Variants in NDUFAF6 observed in about 807,000 individuals in gnomAD.
NDUFAF6 encodes NADH dehydrogenase (ubiquinone) complex I, assembly factor 6.
In NDUFAF6, 45 loss-of-function variants were observed where a neutral mutation model predicts 40.8. The observed-to-expected ratio is 1.10, with a 90% CI of 0.87 to 1.42. The LOEUF is 1.42. Ranked by LOEUF, NDUFAF6 falls within the 40% of genes most tolerant of loss-of-function variation. The probability of loss-of-function intolerance (pLI) is 0.00; values close to 1 mark genes in which losing one functional copy is unlikely to be tolerated. For synonymous variants in NDUFAF6, 185 were observed against 155.9 expected, an observed-to-expected ratio of 1.19 and a Z score of -1.39; for missense variants, 435 against 418.5, an observed-to-expected ratio of 1.04 and a Z score of -0.34.
chr8:95,016,047 T>C (rs1377522830), intron 2 of NDUFAF6, among the ~76,000 whole-genome samples: 1 of 152,206 alleles, frequency 6.6e-6, no homozygotes, highest in Non-Finnish European at 1.5e-5. Context: ...TTATTGATGT[T>C]CATAATATTT....
At position 95,006,848 on chromosome 8, in the gene NDUFAF6, A is replaced by G. The variant is rs1827011237; in HGVS notation, c.-83-25147A>G. Among the ~76,000 whole-genome samples the G allele has an allele frequency of 2.0e-5, 3 of 152,132 alleles. No homozygotes were observed. In the South Asian group the frequency reaches 6.2e-4, roughly 32 times the overall value. On this transcript the variant is annotated intron_variant, in intron 2 of 9. Coordinates refer to the NDUFAF6 transcript ENST00000396111. ...CAATGAGCCGAGATCATGCCACTGC[A>G]CTCCATCCTGGGTAACAGAACCAGA... is the stretch of plus-strand genomic sequence containing the variant.
rs57749627 is a variant in NDUFAF6 at position 94,904,320 on chromosome 8, C to CTTTTTTTTTTTTTTT, written c.-936+8416_-936+8430dup. ...CATCACACCTGGCTAATTTTTTTTG[C>CTTTTTTTTTTTTTTT]TTTTTTTTTTTTTTTTTTTTTTTTT... is the stretch of plus-strand genomic sequence containing the variant. On this transcript the variant is annotated intron_variant, in intron 1 of 14. Coordinates refer to the NDUFAF6 transcript ENST00000396113. 6.2e-4 allele frequency among the ~76,000 whole-genome samples: 21 copies of CTTTTTTTTTTTTTTT among 34,138 alleles called. 7 individuals carry two copies. Among genetic ancestry groups the CTTTTTTTTTTTTTTT allele is most frequent in the African/African-American group, 1.1e-3 (7 of 6,580 alleles). The allele number at this position is 34,138 out of a possible 152,430, so 22.4% of individuals were successfully genotyped here. A position where few individuals can be genotyped will look rare whatever the true frequency, so the allele number is the denominator to read the frequency against.
intron 2 of NDUFAF6, chr8:95,034,865 C>G (rs1829298442): frequency 1.9e-5 from 3 of 155,116 alleles, no homozygotes; most frequent in African/African-American, 7.2e-5. Context: ...GTGATTCTTG[C>G]CTGAACCTAA....
At chr8:94,897,847 G>T (rs561545571) in intron 1 of NDUFAF6, among the ~76,000 whole-genome samples, 6 of 151,070 alleles carry the variant, frequency 4.0e-5, no homozygotes, top group East Asian at 3.9e-4. Flanking sequence ...AAATTGTTTT[G>T]TTCATCTTTT....
upstream of NDUFAF6, among the ~76,000 whole-genome samples, chr8:94,953,324 C>T (rs554456114): frequency 6.8e-6 from 1 of 146,242 alleles, no homozygotes; most frequent in Non-Finnish European, 1.5e-5. Context: ...CCAGCCTGGG[C>T]AACAAGACGG....
At chr8:95,054,644 A>G (rs974871593) in intron 8 of NDUFAF6, among the ~76,000 whole-genome samples, 1 of 152,092 alleles carries the variant, frequency 6.6e-6, no homozygotes, top group African/African-American at 2.4e-5. Flanking sequence ...CATGTTGGCC[A>G]GGCTGGTCTC....
chr8:95,081,700 A>G (rs1808874093), intron 2 of NDUFAF6, among the ~76,000 whole-genome samples: 1 of 152,244 alleles, frequency 6.6e-6, no homozygotes, highest in Non-Finnish European at 1.5e-5. Flanking sequence ...TAGTAAAAAG[A>G]AAAGCATAAT....
chr8:95,011,240 A>T (rs1198958859), intron 2 of NDUFAF6, among the ~76,000 whole-genome samples: 1 of 152,192 alleles, frequency 6.6e-6, no homozygotes, highest in Non-Finnish European at 1.5e-5. Context: ...GCCACCTTTC[A>T]TTCTCAAAAA....
chr8:94,949,138 C>T (rs1384344196), intron 2 of NDUFAF6: 2 of 149,282 alleles, frequency 1.3e-5, no homozygotes, highest in African/African-American at 2.4e-5. Context: ...CCCGCCCGCC[C>T]CCCCCCGGCA....
rs1471559460 is a variant in NDUFAF6, at chr8:95,058,343, C to T, written c.*406C>T. On this transcript the variant is annotated 3_prime_UTR_variant, in exon 9 of 9. Transcript: ENST00000396124. The stretch of plus-strand genomic sequence containing the variant: ...GGGCTTACATGCTGAGCAGCTATAA[C>T]CTAGGTGTTCAGAACACCTGGAAGA... 4.8e-6 allele frequency: 6 copies of T among 1,243,682 alleles called. No individual in the cohort carries two copies. The highest frequency in any genetic ancestry group is 6.0e-6 in the Non-Finnish European group (6 of 995,142). 77.0% of individuals were successfully genotyped at this position (1,243,682 alleles called of 1,614,324 possible).
In NDUFAF6 at chr8:94,941,042, G is replaced by A. The variant is rs1268772701; in HGVS notation, c.-935-4441G>A. On this transcript the variant is annotated intron_variant, in intron 1 of 14. Coordinates refer to the NDUFAF6 transcript ENST00000396113. The stretch of plus-strand genomic sequence containing the variant: ...AATGGTACCGACAGGAGATTAAAGT[G>A]CACAGGGTGCTTATTCAACTTAGGT... The A allele has an allele frequency of 5.1e-6, 4 of 783,162 alleles. No individual in the cohort carries two copies. In the East Asian group the frequency reaches 7.6e-5, roughly 15 times the overall value. The allele number at this position is 783,162 out of a possible 1,614,324, so 48.5% of individuals were successfully genotyped here.
chr8:94,940,744 T>C, intron 1 of NDUFAF6: 2 of 977,554 alleles, frequency 2.0e-6, no homozygotes, highest in East Asian at 2.5e-5. Context: ...AACCCCTCAG[T>C]TATTGGTTTC....
At chr8:95,029,722 C>T (rs934037600) in intron 1 of NDUFAF6, among the ~76,000 whole-genome samples, 1 of 152,108 alleles carries the variant, frequency 6.6e-6, no homozygotes, top group Non-Finnish European at 1.5e-5. Context: ...TAGAAATCTC[C>T]TTTGATTTGG....
downstream of NDUFAF6, among the ~76,000 whole-genome samples, chr8:95,106,144 A>G (rs1809836427): frequency 6.6e-6 from 1 of 151,970 alleles, no homozygotes; most frequent in African/African-American, 2.4e-5. Flanking sequence ...GCATGGTGGC[A>G]GGCACCTGTG....
chr8:94,998,810 G>A (rs554197055), intron 2 of NDUFAF6, among the ~76,000 whole-genome samples: 1 of 152,244 alleles, frequency 6.6e-6, no homozygotes, highest in Non-Finnish European at 1.5e-5. Flanking sequence ...AGGTAGAAAA[G>A]GAAGGCAAGT....
intron 1 of NDUFAF6, among the ~76,000 whole-genome samples, chr8:94,939,292 G>A (rs1821288842): frequency 6.6e-6 from 1 of 152,182 alleles, no homozygotes; most frequent in Non-Finnish European, 1.5e-5. Context: ...ATACTTAACA[G>A]AAATGCCAGT....
At chr8:94,979,045 G>A (rs1195034328) in intron 1 of NDUFAF6, among the ~76,000 whole-genome samples, 1 of 152,218 alleles carries the variant, frequency 6.6e-6, no homozygotes, top group Non-Finnish European at 1.5e-5. Context: ...CAGAAGGGTT[G>A]AGTGTAGTAG....
chr8:95,114,163 A>AAATAAAACAAAC (rs1554693679), intron 4 of NDUFAF6, among the ~76,000 whole-genome samples: 2 of 151,386 alleles, frequency 1.3e-5, no homozygotes, highest in Non-Finnish European at 3.0e-5. Flanking sequence ...TAATAATAAT[A>AAATAAAACAAAC]AAACAAACAA....
intron 1 of NDUFAF6, among the ~76,000 whole-genome samples, chr8:94,960,050 G>C (rs1011454250): frequency 6.6e-6 from 1 of 152,178 alleles, no homozygotes; most frequent in Non-Finnish European, 1.5e-5. Flanking sequence ...GTAAACCTTG[G>C]CTTCACATTT....
Sources: allele counts gnomAD v4.1 joint callset (sites outside exome capture counted in the v4.1 genomes callset), GRCh38; gene constraint gnomAD v4.1.1; transcripts MANE v1.5; gene names NCBI Gene and HGNC (gene_info 2026-07-23, HGNC 2026-07-21).